The following CSMD1 variants were observed in gnomAD, a reference collection of about 807,000 sequenced individuals.
CSMD1 encodes CUB and Sushi multiple domains 1.
A neutral mutation model predicts 417.5 loss-of-function variants in CSMD1; 213 were observed. The observed-to-expected ratio is 0.51, with a 90% CI of 0.46 to 0.57. The LOEUF is 0.57. Ranked by LOEUF, CSMD1 falls within the 20% of genes least tolerant of loss-of-function variation. The pLI, the probability that CSMD1 is intolerant of heterozygous loss-of-function variation, is 0.00. For synonymous variants in CSMD1, 2,862 were observed against 1,736.8 expected (o/e 1.65, Z -16.11); for missense variants, 6,923 against 4,529.7 (o/e 1.53, Z -15.17).
At chr8:3,095,279 C>G (rs537561721) in intron 47 of CSMD1, among the ~76,000 whole-genome samples, 1 of 152,066 alleles carries the variant, frequency 6.6e-6, no homozygotes, top group African/African-American at 2.4e-5. Context: ...AGGTTGGATG[C>G]TCTACATTTT....
intron 20 of CSMD1, among the ~76,000 whole-genome samples, chr8:3,364,764 C>T (rs1256876598): frequency 6.6e-6 from 1 of 152,286 alleles, no homozygotes. Context: ...GATGCCAGCA[C>T]CTTGATCTTG....
At chr8:3,731,083 T>C (rs73187239) in intron 6 of CSMD1, among the ~76,000 whole-genome samples, 37,590 of 152,122 alleles carry the variant, frequency 0.25, 4,658 homozygotes, top group Middle Eastern at 0.28. Flanking sequence ...ATACACTTTC[T>C]TCCCAATCAA....
At chr8:4,587,124 G>T (rs114566732) in intron 2 of CSMD1, among the ~76,000 whole-genome samples, 1 of 152,016 alleles carries the variant, frequency 6.6e-6, no homozygotes, top group Non-Finnish European at 1.5e-5. Flanking sequence ...GATTAGGTGC[G>T]CTCTCTTCTT....
Position 4,749,042 on chromosome 8 carries a change from G to A in CSMD1, c.86-111484C>T, listed in dbSNP as rs368886061. 1.8e-3 allele frequency among the ~76,000 whole-genome samples: 258 copies of A among 146,388 alleles called. 1 individual carries two copies. The highest frequency in any genetic ancestry group is 6.7e-3 in the African/African-American group (252 of 37,666). ...CCAGTTCTGACCCAAAACTGTGTGT[G>A]TGTGCCTGTGTGCGTGTGTGTGTGT... is the stretch of plus-strand genomic sequence containing the variant. On this transcript the variant is annotated intron_variant, in intron 1 of 69. Coordinates refer to ENST00000635120, the MANE Select transcript of CSMD1 (RefSeq NM_033225.6).
intron 10 of CSMD1, among the ~76,000 whole-genome samples, chr8:3,539,867 C>G (rs1440194624): frequency 6.6e-6 from 1 of 151,970 alleles, no homozygotes; most frequent in Non-Finnish European, 1.5e-5. Context: ...TTTTGTTCGA[C>G]CAAACGAACT....
At chr8:4,907,582 C>T (rs1805378727) in intron 1 of CSMD1, among the ~76,000 whole-genome samples, 4 of 151,962 alleles carry the variant, frequency 2.6e-5, no homozygotes, top group Admixed American at 2.6e-4. Context: ...TTTTTTGAGA[C>T]AGGTTTTCAC....
intron 5 of CSMD1, among the ~76,000 whole-genome samples, chr8:3,807,921 A>G (rs1035350691): frequency 1.3e-5 from 2 of 152,302 alleles, no homozygotes; most frequent in African/African-American, 4.8e-5. Context: ...GAAAAAATAA[A>G]TTGTAATTTT....
intron 1 of CSMD1, among the ~76,000 whole-genome samples, chr8:4,807,157 G>C (rs192166101): frequency 2.0e-5 from 3 of 152,312 alleles, no homozygotes; most frequent in Admixed American, 6.5e-5. Flanking sequence ...ATTTAGGACT[G>C]TGATTAAAGT....
At chr8:3,939,625 A>G (rs1436523980) in intron 5 of CSMD1, among the ~76,000 whole-genome samples, 1 of 152,190 alleles carries the variant, frequency 6.6e-6, no homozygotes, top group African/African-American at 2.4e-5. Context: ...GAAAGTGATC[A>G]TCAGCCAATT....
intron 12 of CSMD1, among the ~76,000 whole-genome samples, chr8:3,418,291 A>C (rs1464578786): frequency 6.6e-6 from 1 of 152,128 alleles, no homozygotes; most frequent in African/African-American, 2.4e-5. Flanking sequence ...CTGTCTCAGC[A>C]GCTCATCTCG....
intron 10 of CSMD1, among the ~76,000 whole-genome samples, chr8:3,494,565 T>C (rs928497131): frequency 7.5e-5 from 8 of 106,334 alleles, no homozygotes; most frequent in East Asian, 4.8e-4. Context: ...GATAGATAGA[T>C]AGATAGATAG....
At chr8:3,906,491 G>A (rs941124649) in intron 5 of CSMD1, among the ~76,000 whole-genome samples, 2 of 151,614 alleles carry the variant, frequency 1.3e-5, no homozygotes, top group Non-Finnish European at 2.9e-5. Context: ...AAGTGTATCC[G>A]ATAAGAGAAT....
At chr8:3,555,060 G>A (rs1229012107) in intron 10 of CSMD1, among the ~76,000 whole-genome samples, 6 of 152,112 alleles carry the variant, frequency 3.9e-5, no homozygotes, top group African/African-American at 1.4e-4. Flanking sequence ...GGAAGGCTAA[G>A]GAGCCAGGAG....
chr8:4,653,718 A>G (rs1243805648), intron 1 of CSMD1, among the ~76,000 whole-genome samples: 1 of 152,056 alleles, frequency 6.6e-6, no homozygotes, highest in Non-Finnish European at 1.5e-5. Context: ...GCAGAAAAGG[A>G]AATGTTGGAG....
At chr8:4,321,390 G>T (rs553628112) in intron 3 of CSMD1, among the ~76,000 whole-genome samples, 1 of 152,066 alleles carries the variant, frequency 6.6e-6, no homozygotes, top group Non-Finnish European at 1.5e-5. Context: ...GCAATCAGAA[G>T]AGTTTTTTTC....
At chr8:4,236,038 T>TTTTTG (rs1491508560) in intron 3 of CSMD1, among the ~76,000 whole-genome samples, 2 of 74,324 alleles carry the variant, frequency 2.7e-5, no homozygotes, top group Admixed American at 1.3e-4. Context: ...TTTTTTTGTT[T>TTTTTG]GTTTTTTTTT....
At chr8:4,244,436 T>G (rs1244000342) in intron 3 of CSMD1, among the ~76,000 whole-genome samples, 1 of 152,190 alleles carries the variant, frequency 6.6e-6, no homozygotes, top group Non-Finnish European at 1.5e-5. Context: ...CTGTATATTT[T>G]TGTCAAATAA....
chr8:3,989,750 C>G (rs1321793564), intron 5 of CSMD1, among the ~76,000 whole-genome samples: 1 of 152,160 alleles, frequency 6.6e-6, no homozygotes, highest in Non-Finnish European at 1.5e-5. Flanking sequence ...GTGGGAAACG[C>G]TAATGTTCTA....
At chr8:4,913,280 G>C (rs1285017864) in intron 1 of CSMD1, among the ~76,000 whole-genome samples, 1 of 152,110 alleles carries the variant, frequency 6.6e-6, no homozygotes, top group Non-Finnish European at 1.5e-5. Flanking sequence ...ACAGGTTTGT[G>C]GATTCTATTG....
Sources: gnomAD v4.1 joint callset for allele counts (sites outside exome capture counted in the v4.1 genomes callset) on GRCh38, gnomAD v4.1.1 for gene constraint, MANE v1.5 for transcripts, NCBI Gene and HGNC (gene_info 2026-07-23, HGNC 2026-07-21) for gene names.